TEP1: variants seen among roughly 807,000 people sequenced by gnomAD.
TEP1 encodes telomerase associated protein 1, also known as telomerase protein component 1.
A neutral mutation model predicts 306.3 loss-of-function variants in TEP1; 241 were observed. The observed-to-expected ratio is 0.79, with a 90% CI of 0.71 to 0.88. The LOEUF (loss-of-function observed/expected upper bound fraction) is 0.88, where lower values mean the gene tolerates loss of function less well. Ranked by LOEUF, TEP1 falls within the 40% of genes least tolerant of loss-of-function variation. The probability of loss-of-function intolerance (pLI) is 0.00; values close to 1 mark genes in which losing one functional copy is unlikely to be tolerated. For synonymous variants in TEP1, 1,289 were observed against 1,305.5 expected (o/e 0.99, Z 0.27); for missense variants, 3,051 against 3,276.1 (o/e 0.93, Z 1.68).
At chr14:20,397,260 C>T (rs575188747) in intron 9 of TEP1, among the ~76,000 whole-genome samples, 2 of 152,264 alleles carry the variant, frequency 1.3e-5, no homozygotes, top group African/African-American at 4.8e-5. Context: ...TATATACTAA[C>T]ATAATGTAGC....
chr14:20,383,119 C>T (rs1876740373), intron 27 of TEP1, 55 bp downstream of exon 27: 1 of 1,526,982 alleles, frequency 6.5e-7, no homozygotes, highest in Non-Finnish European at 8.8e-7. Flanking sequence ...ACCCCAGGTC[C>T]TCATAGCTCC....
intron 10 of TEP1, among the ~76,000 whole-genome samples, chr14:20,396,197 G>T (rs1021541237): frequency 3.9e-5 from 6 of 152,220 alleles, no homozygotes; most frequent in Non-Finnish European, 5.9e-5. Flanking sequence ...GGCAGGGTGT[G>T]GTAGCTCACG....
chr14:20,412,952 C>G (rs552899055), intron 1 of TEP1, among the ~76,000 whole-genome samples: 1 of 152,166 alleles, frequency 6.6e-6, no homozygotes, highest in East Asian at 1.9e-4. Context: ...AACCACCGCG[C>G]CCGGCCTCCA....
chr14:20,386,706 C>G, intron 18 of TEP1, 83 bp from the exon 19 acceptor site: 1 of 1,392,668 alleles, frequency 7.2e-7, no homozygotes, highest in Non-Finnish European at 9.4e-7. Context: ...CACCCTTTAG[C>G]ACTGAGCACA....
chr14:20,401,032 C>T lies in TEP1; in HGVS notation c.1501G>A (p.Glu501Lys), dbSNP rs1475254491. Residue 501 changes from glutamate to lysine, a missense_variant, in exon 9 of 55, where the codon GAG (glutamate) becomes AAG (lysine). By Grantham distance (56) the Glu-to-Lys change is moderately conservative (BLOSUM62 1). This residue lies in a region of TEP1 where 1,507 missense variants were observed against 1,550.5 expected (regional missense o/e 0.97). Transcript: ENST00000262715. ...GCTTTGTTCCCCCGTAGGCTCAGCT[C>T]CCGCTCCCAGGTCTCTGGCCTAGAC... is the stretch of plus-strand genomic sequence containing the variant. ...KLSRPETWER[E>K]LSLRGNKASV... is the part of the protein sequence containing the mutation. The T allele has an allele frequency of 1.9e-6, 3 of 1,614,236 alleles. No homozygotes were observed. Among genetic ancestry groups the T allele is most frequent in the Non-Finnish European group, 2.5e-6 (3 of 1,180,046 alleles).
chr14:20,402,426 G>C (rs1566480001), intron 7 of TEP1, among the ~76,000 whole-genome samples: 1 of 152,204 alleles, frequency 6.6e-6, no homozygotes, highest in Non-Finnish European at 1.5e-5. Context: ...GACCAACTGA[G>C]AAAGCGTTTT....
Position 20,378,064 on chromosome 14 carries a change from T to A in TEP1, c.5681A>T (p.His1894Leu), listed in dbSNP as rs1885300200. 6.2e-7 allele frequency: 1 copy of A among 1,613,680 alleles called. No individual in the cohort carries two copies. The highest frequency in any genetic ancestry group is 2.2e-5 in the East Asian group (1 of 44,850). The change falls in exon 39 of 55, where the codon CAT (histidine) becomes CTT (leucine). Residue 1894 changes from histidine to leucine, a missense_variant. His to Leu is a moderately conservative substitution (Grantham distance 99, BLOSUM62 -3). This residue lies in a region of TEP1 where 1,540 missense variants were observed against 1,705.9 expected (regional missense o/e 0.90). Transcript: ENST00000262715. ...AGCCGTCAGTAACTGGCAACCCGCA[T>A]GCAGGAAAAGCGCAGCAGCAACAAA... ...HGFVAAALFL[H>L]AGCQLLTAGE...
intron 9 of TEP1, among the ~76,000 whole-genome samples, 187 bp from the exon 10 acceptor site, chr14:20,396,917 G>A (rs1878254003): frequency 6.6e-6 from 1 of 151,956 alleles, no homozygotes; most frequent in Non-Finnish European, 1.5e-5. Flanking sequence ...AATGAGGGAT[G>A]ATTAGAGAGA....
At chr14:20,410,514 C>A (rs544742663) in intron 1 of TEP1, among the ~76,000 whole-genome samples, 83 of 152,264 alleles carry the variant, frequency 5.5e-4, no homozygotes, top group Admixed American at 1.4e-3. Context: ...CCTCCGCCTC[C>A]CAGGTTCAAT....
At chr14:20,380,599 C>T in intron 33 of TEP1, 124 bp from the exon 34 acceptor site, 1 of 1,392,738 alleles carries the variant, frequency 7.2e-7, no homozygotes, top group Non-Finnish European at 9.5e-7. Flanking sequence ...GGCCCTATAT[C>T]AGGAATATCT....
At chr14:20,368,952 C>G (rs558308574) in intron 53 of TEP1, 50 bp from the exon 54 acceptor site, 1 of 1,340,938 alleles carries the variant, frequency 7.5e-7, no homozygotes, top group African/African-American at 1.4e-5. Flanking sequence ...GGGGCCCCTC[C>G]TCAGAGAAGC....
rs1879576832 is a variant in TEP1, at chr14:20,410,600, T to C, written c.-24-2137A>G. ...ACTATGCCCAGCTGATTTTTTTTTCTTTTTTTTTTTTTGTATTTTTAGTAA... is the reference window on the plus strand; with the variant it reads ...ACTATGCCCAGCTGATTTTTTTTTCCTTTTTTTTTTTTGTATTTTTAGTAA... On this transcript the variant is annotated intron_variant, in intron 1 of 54. Transcript: ENST00000262715. Among the ~76,000 whole-genome samples, 3 of 84,342 alleles carry C rather than the reference T, an allele frequency of 3.6e-5. No homozygotes were observed. In the South Asian group the frequency reaches 8.7e-4, roughly 25 times the overall value. 55.3% of individuals were successfully genotyped at this position (84,342 alleles called of 152,430 possible).
Position 20,401,019 on chromosome 14 carries a change from C to T in TEP1, c.1514G>A (p.Arg505Gln), listed in dbSNP as rs770292837. ...CTCCCAGACCGACGCTTTGTTCCCC[C>T]GTAGGCTCAGCTCCCGCTCCCAGGT... The part of the protein sequence containing the change: ...PETWERELSL[R>Q]GNKASVWEEL... Residue 505 changes from arginine (R) to glutamine (Q), a missense_variant, in exon 9 of 55, where the codon CGG (arginine) becomes CAG (glutamine). Physicochemically the swap from Arg to Gln is conservative, Grantham distance 43 (BLOSUM62 1). Coordinates refer to ENST00000262715, the MANE Select transcript of TEP1 (RefSeq NM_007110.5). 2.0e-5 allele frequency: 33 copies of T among 1,614,082 alleles called. No individual in the cohort carries two copies. Among genetic ancestry groups the T allele is most frequent in the Middle Eastern group, 1.6e-4 (1 of 6,084 alleles).
chr14:20,371,303 G>C lies in TEP1; in HGVS notation c.7232C>G (p.Thr2411Arg). Residue 2411 changes from threonine (T) to arginine (R), a missense_variant, in exon 51 of 55, where the codon ACA (threonine) becomes AGA (arginine). By Grantham distance (71) the Thr-to-Arg change is moderately conservative. This residue lies in a region of TEP1 where 1,540 missense variants were observed against 1,705.9 expected (regional missense o/e 0.90). Transcript: ENST00000262715. ...DAPSEIWSSY[T>R]ENPMILSTHK... ...GGTGGACAATATCATAGGATTTTCTGTATAGCTGCTCCTGGTTTGTGAGAA... is the reference window on the plus strand; with the variant it reads ...GGTGGACAATATCATAGGATTTTCTCTATAGCTGCTCCTGGTTTGTGAGAA... The C allele has an allele frequency of 6.2e-7, 1 of 1,614,078 alleles. No homozygotes were observed.
chr14:20,376,047 A>C (rs1885154662), intron 42 of TEP1, 57 bp downstream of exon 42: 4 of 1,587,180 alleles, frequency 2.5e-6, no homozygotes, highest in Middle Eastern at 2.0e-4. Flanking sequence ...GGTTGTTAAG[A>C]AATCTAGGAA....
At position 20,395,519 on chromosome 14, in the gene TEP1, C is replaced by G; in HGVS notation, c.1859G>C (p.Arg620Pro). Residue 620 changes from arginine (R) to proline (P), a missense_variant, in exon 12 of 55, where the codon CGG becomes CCG. Around this residue, in one of 3 missense-constraint regions of TEP1, gnomAD observed 1,507 missense variants for 1,550.5 expected, o/e 0.97. Transcript: ENST00000262715. ...FLCHLSRQQL[R>P]MAMRIPVLYE... The stretch of plus-strand genomic sequence containing the variant: ...CAACACAGGTATCCTCATTGCCATC[C>G]GAAGCTGCTGACGGCTTAGGTGGCA... 2 of 1,613,850 alleles carry G rather than the reference C, an allele frequency of 1.2e-6. No individual in the cohort carries two copies. Among genetic ancestry groups the G allele is most frequent in the Non-Finnish European group, 1.7e-6 (2 of 1,179,814 alleles).
Position 20,373,116 on chromosome 14 carries a change from G to A in TEP1, c.6846C>T (p.Ala2282=), listed in dbSNP as rs745761356. The change falls in exon 48 of 55, where the codon GCC becomes GCT. Residue 2282 remains alanine (A), a synonymous_variant. Transcript: ENST00000262715. ...CTGGTGCCCAAGCCACAGCAGTGACGGCTGCAGAACTCCTTGGTATACATG... is the reference window on the plus strand; with the variant it reads ...CTGGTGCCCAAGCCACAGCAGTGACAGCTGCAGAACTCCTTGGTATACATG... ...DDTCIPRSSA[A]VTAVAWAPDG... 29 of 1,614,082 alleles carry A rather than the reference G, an allele frequency of 1.8e-5. No individual in the cohort carries two copies. The highest frequency in any genetic ancestry group is 4.4e-5 in the South Asian group (4 of 91,078).
At chr14:20,402,117 C>T (rs111292071) in intron 7 of TEP1, among the ~76,000 whole-genome samples, 5,233 of 152,052 alleles carry the variant, frequency 0.034, 94 homozygotes, top group Non-Finnish European at 0.041. Flanking sequence ...ACCAGTCTGA[C>T]CAACATGGTG....
In TEP1 at chr14:20,378,363, A is replaced by G; in HGVS notation, c.5508+17T>C. 6.2e-7 allele frequency: 1 copy of G among 1,614,166 alleles called. No individual in the cohort carries two copies. Among genetic ancestry groups the G allele is most frequent in the Non-Finnish European group, 8.5e-7 (1 of 1,180,004 alleles). On this transcript the variant is annotated intron_variant, in intron 38 of 54. Transcript: ENST00000262715. ...TCCTCCTGTGCTTCCCCCAAGAGCA[A>G]CACTGGACCTTCTTACCTTGGTGAC...
Sources: allele counts gnomAD v4.1 joint callset (sites outside exome capture counted in the v4.1 genomes callset), GRCh38; gene constraint gnomAD v4.1.1; regional missense constraint gnomAD v4.1.1; transcripts MANE v1.5; gene names NCBI Gene and HGNC (gene_info 2026-07-23, HGNC 2026-07-21).